Variants in AUNIP observed in about 807,000 individuals in gnomAD.
AUNIP encodes the protein aurora kinase A and ninein interacting protein, also known as aurora kinase A- and ninein-interacting protein.
A neutral mutation model predicts 12.2 loss-of-function variants in AUNIP; 16 were observed. The observed-to-expected ratio is 1.31, with a 90% confidence interval of 0.88 to 1.99. AUNIP has a LOEUF of 1.99. Ranked by LOEUF, AUNIP falls within the 30% of genes most tolerant of loss-of-function variation. AUNIP has a pLI of 0.00. For synonymous variants in AUNIP, 142 were observed against 154.8 expected, an observed-to-expected ratio of 0.92 and a Z score of 0.61; for missense variants, 411 against 419.1, an observed-to-expected ratio of 0.98 and a Z score of 0.17.
downstream of AUNIP, among the ~76,000 whole-genome samples, chr1:25,833,846 A>G (rs1436130788): frequency 6.6e-6 from 1 of 152,160 alleles, no homozygotes; most frequent in Non-Finnish European, 1.5e-5. Context: ...AGCCTCTTAG[A>G]TACCACATCA....
intron 1 of AUNIP, among the ~76,000 whole-genome samples, chr1:25,838,923 T>C (rs545191897): frequency 1.3e-5 from 2 of 152,342 alleles, no homozygotes; most frequent in African/African-American, 4.8e-5. Flanking sequence ...GAGTTATTTA[T>C]TCTAACTCAA....
rs577049582 is a variant in AUNIP, at chr1:25,842,016, T to C, written c.79-4462A>G. Among the ~76,000 whole-genome samples the C allele has an allele frequency of 3.3e-5, 5 of 152,288 alleles. No homozygotes were observed. In the East Asian group the frequency reaches 7.7e-4, roughly 24 times the overall value. ...GAAATTAGGCCAATGAAGAACTCTA[T>C]AATGGCCTCTAAGTGTTCAAGTGAA... On this transcript the variant is annotated intron_variant, in intron 1 of 2. Coordinates refer to ENST00000374298, the MANE Select transcript of AUNIP (RefSeq NM_024037.3).
At chr1:25,839,614 T>G (rs1284894673) in intron 1 of AUNIP, among the ~76,000 whole-genome samples, 1 of 152,166 alleles carries the variant, frequency 6.6e-6, no homozygotes, top group Admixed American at 6.5e-5. Context: ...AAGCAAGCTT[T>G]GAAAGTATCA....
chr1:25,838,739 C>T (rs1159094526), intron 1 of AUNIP, among the ~76,000 whole-genome samples: 1 of 152,126 alleles, frequency 6.6e-6, no homozygotes, highest in Non-Finnish European at 1.5e-5. Context: ...ATAAATATAA[C>T]CTCATCCTTA....
At chr1:25,831,969 G>A, downstream of AUNIP, 1 of 1,614,192 alleles carries the variant, frequency 6.2e-7, no homozygotes, top group Non-Finnish European at 8.5e-7. Flanking sequence ...TTATCTCTGA[G>A]GTCCTAAGGA....
At position 25,846,628 on chromosome 1, in the gene AUNIP, C is replaced by T. The variant is rs1181857094; in HGVS notation, c.79-9074G>A. Among the ~76,000 whole-genome samples, 4 of 152,212 alleles carry T rather than the reference C, an allele frequency of 2.6e-5. No homozygotes were observed. In the East Asian group the frequency reaches 7.7e-4, roughly 29 times the overall value. On this transcript the variant is annotated intron_variant, in intron 1 of 2. Transcript: ENST00000374298. Reference sequence around the variant, plus strand: ...ATCCAAGCTACTCAGGAGGCTGAGACGGGAGAATTGCTTGAACCTGGGAGA... The same window carrying T: ...ATCCAAGCTACTCAGGAGGCTGAGATGGGAGAATTGCTTGAACCTGGGAGA...
At chr1:25,833,301 C>T (rs568690741), downstream of AUNIP, among the ~76,000 whole-genome samples, 6 of 151,734 alleles carry the variant, frequency 4.0e-5, no homozygotes, top group East Asian at 2.0e-4. Flanking sequence ...TTTTTTGTAG[C>T]GATGGGGTCT....
intron 1 of AUNIP, among the ~76,000 whole-genome samples, chr1:25,843,619 AAAAAG>A: frequency 6.7e-6 from 1 of 149,942 alleles, no homozygotes; most frequent in African/African-American, 2.5e-5. Flanking sequence ...AAAAAAAAAA[AAAAAG>A]GGATTCATGA....
chr1:25,843,619 A>G (rs2124503728), intron 1 of AUNIP, among the ~76,000 whole-genome samples: 1 of 150,054 alleles, frequency 6.7e-6, no homozygotes, highest in East Asian at 1.9e-4. Flanking sequence ...AAAAAAAAAA[A>G]AAAAGGGATT....
downstream of AUNIP, chr1:25,831,984 G>GT: frequency 6.2e-7 from 1 of 1,614,220 alleles, no homozygotes; most frequent in Non-Finnish European, 8.5e-7. Context: ...TAAGGAGGAA[G>GT]TTTGCTCTAA....
intron 1 of AUNIP, among the ~76,000 whole-genome samples, chr1:25,841,649 G>A (rs781749105): frequency 2.0e-5 from 3 of 151,716 alleles, no homozygotes; most frequent in African/African-American, 7.3e-5. Flanking sequence ...TCAGCCTCCC[G>A]AGTAGCTGGG....
At chr1:25,856,374 A>AC (rs2048460880) in intron 1 of AUNIP, among the ~76,000 whole-genome samples, 1 of 151,214 alleles carries the variant, frequency 6.6e-6, no homozygotes, top group African/African-American at 2.4e-5. Context: ...AAAAAAAAAA[A>AC]AACAAAACAA....
chr1:25,855,956 T>G (rs1320329465), intron 1 of AUNIP, among the ~76,000 whole-genome samples: 2 of 152,168 alleles, frequency 1.3e-5, no homozygotes, highest in East Asian at 3.8e-4. Context: ...GAAATCAGAA[T>G]AAGTTAAGGG....
chr1:25,833,350 A>T (rs2048270810), downstream of AUNIP, among the ~76,000 whole-genome samples: 1 of 152,010 alleles, frequency 6.6e-6, no homozygotes, highest in African/African-American at 2.4e-5. Context: ...TCCTGGTCTC[A>T]AGCAAACCTC....
At chr1:25,854,505 T>A (rs144836537) in intron 1 of AUNIP, among the ~76,000 whole-genome samples, 36 of 152,308 alleles carry the variant, frequency 2.4e-4, no homozygotes, top group Middle Eastern at 3.4e-3. Flanking sequence ...TAAATACAGT[T>A]CCTTTAGATC....
chr1:25,854,262 C>T (rs1447577467), intron 1 of AUNIP, among the ~76,000 whole-genome samples: 1 of 152,050 alleles, frequency 6.6e-6, no homozygotes, highest in Non-Finnish European at 1.5e-5. Flanking sequence ...CAAGTCCAAT[C>T]CAAACATAAA....
chr1:25,854,176 C>T (rs1347513690), intron 1 of AUNIP, among the ~76,000 whole-genome samples: 1 of 152,130 alleles, frequency 6.6e-6, no homozygotes, highest in African/African-American at 2.4e-5. Flanking sequence ...TGCCACTGCA[C>T]TCCAGTCTAG....
rs764099811 is a variant in AUNIP, at chr1:25,847,859, C to T, written c.79-10305G>A. On this transcript the variant is annotated intron_variant, in intron 1 of 2. Coordinates refer to ENST00000374298, the MANE Select transcript of AUNIP (RefSeq NM_024037.3). The surrounding 1 kb of genome is among the most constrained non-coding windows in gnomAD (Gnocchi z 4.2). ...ACTTGGGAGGCTGAGGTGAGAGAAT[C>T]GATTGAGCCCGGGAGGCAGAGGTTG... Among the ~76,000 whole-genome samples, 7 of 152,136 alleles carry T rather than the reference C, an allele frequency of 4.6e-5. No individual in the cohort carries two copies. Among genetic ancestry groups the T allele is most frequent in the African/African-American group, 1.2e-4 (5 of 41,524 alleles).
At chr1:25,841,993 A>T (rs2124501731) in intron 1 of AUNIP, among the ~76,000 whole-genome samples, 1 of 152,218 alleles carries the variant, frequency 6.6e-6, no homozygotes, top group African/African-American at 2.4e-5. Flanking sequence ...TTAATACTGA[A>T]ATTAGGCCAA....
Sources: allele counts gnomAD v4.1 joint callset (sites outside exome capture counted in the v4.1 genomes callset), GRCh38; gene constraint gnomAD v4.1.1; non-coding constraint Gnocchi (gnomAD v3.1); transcripts MANE v1.5; gene names NCBI Gene and HGNC (gene_info 2026-07-23, HGNC 2026-07-21).